NDUFAF6: variants seen among roughly 807,000 people sequenced by gnomAD.
NDUFAF6 encodes NADH dehydrogenase (ubiquinone) complex I, assembly factor 6.
A neutral mutation model predicts 40.8 loss-of-function variants in NDUFAF6; 45 were observed. The observed-to-expected ratio is 1.10, with a 90% CI of 0.87 to 1.42. NDUFAF6 has a LOEUF of 1.42. NDUFAF6 is among the 40% of genes most tolerant of loss of function. NDUFAF6 has a pLI of 0.00. For synonymous variants in NDUFAF6, 185 were observed against 155.9 expected (o/e 1.19, Z -1.39); for missense variants, 435 against 418.5 (o/e 1.04, Z -0.34).
intron 1 of NDUFAF6, among the ~76,000 whole-genome samples, chr8:94,940,627 T>C (rs922287351): frequency 3.9e-5 from 6 of 152,192 alleles, no homozygotes; most frequent in African/African-American, 1.4e-4. Flanking sequence ...CTGTGAGAGT[T>C]GCAAAACTAA....
intron 2 of NDUFAF6, among the ~76,000 whole-genome samples, chr8:95,003,293 C>G (rs1240902343): frequency 6.6e-6 from 1 of 152,214 alleles, no homozygotes; most frequent in Non-Finnish European, 1.5e-5. Context: ...GACAAAGGCT[C>G]TAATAGAGAT....
intron 1 of NDUFAF6, among the ~76,000 whole-genome samples, chr8:94,897,416 T>A (rs1419457612): frequency 6.6e-6 from 1 of 152,220 alleles, no homozygotes; most frequent in Admixed American, 6.5e-5. Context: ...CAAGTGGGTC[T>A]GTTAAAAAAA....
At chr8:95,063,796 G>A (rs1832629968) in intron 9 of NDUFAF6, among the ~76,000 whole-genome samples, 1 of 151,830 alleles carries the variant, frequency 6.6e-6, no homozygotes, top group African/African-American at 2.4e-5. Context: ...TCTCTTTTAT[G>A]GGTGTCACAA....
chr8:95,017,219 G>C (rs1372516134), intron 2 of NDUFAF6, among the ~76,000 whole-genome samples: 1 of 151,606 alleles, frequency 6.6e-6, no homozygotes, highest in Non-Finnish European at 1.5e-5. Flanking sequence ...GGGACTACAG[G>C]CATGAGCCAC....
chr8:95,046,286 C>G (rs1310814156), intron 5 of NDUFAF6, among the ~76,000 whole-genome samples: 1 of 152,168 alleles, frequency 6.6e-6, no homozygotes, highest in Admixed American at 6.5e-5. Flanking sequence ...ACCTCGTGAT[C>G]TGCCCGCCTC....
rs570365969 is a variant in NDUFAF6 at position 95,109,042 on chromosome 8, A to G, written n.344+6031A>G. ...TCTTTTCATTTTTCTCAATATGTGA[A>G]AAATTTTGTGATGTTTGGGTGGAGT... is the stretch of plus-strand genomic sequence containing the variant. On this transcript the variant is annotated intron_variant and non_coding_transcript_variant, in intron 4 of 5. Coordinates refer to the NDUFAF6 transcript ENST00000523184. Among the ~76,000 whole-genome samples the G allele has an allele frequency of 4.6e-5, 7 of 152,316 alleles. No homozygotes were observed. In the East Asian group the frequency reaches 1.3e-3, roughly 29 times the overall value.
chr8:94,925,041 C>T (rs59980877), intron 1 of NDUFAF6, among the ~76,000 whole-genome samples: 1 of 152,238 alleles, frequency 6.6e-6, no homozygotes, highest in Non-Finnish European at 1.5e-5. Context: ...TCATGCCCAG[C>T]CCAAAGTGGG....
At chr8:95,000,512 A>T (rs938242810) in intron 2 of NDUFAF6, among the ~76,000 whole-genome samples, 5 of 152,160 alleles carry the variant, frequency 3.3e-5, no homozygotes, top group Non-Finnish European at 5.9e-5. Context: ...TTAAAAATGC[A>T]TATTCTAATC....
At chr8:95,015,827 A>G (rs1478902815) in intron 2 of NDUFAF6, among the ~76,000 whole-genome samples, 2 of 152,068 alleles carry the variant, frequency 1.3e-5, no homozygotes, top group African/African-American at 4.8e-5. Flanking sequence ...GAGCTGATTT[A>G]GACTGGGACC....
intron 1 of NDUFAF6, chr8:94,939,773 C>A: frequency 6.5e-7 from 1 of 1,533,294 alleles, no homozygotes; most frequent in Admixed American, 1.9e-5. Context: ...AGTTTTGCAT[C>A]TTCTAATAAC....
upstream of NDUFAF6, chr8:95,024,867 G>A (rs1421646177): frequency 2.8e-6 from 2 of 725,772 alleles, no homozygotes; most frequent in African/African-American, 3.7e-5. Context: ...GAGGACCACA[G>A]CGACACCTGG....
chr8:94,952,426 C>T, intron 2 of NDUFAF6, among the ~76,000 whole-genome samples: 1 of 152,334 alleles, frequency 6.6e-6, no homozygotes, highest in South Asian at 2.1e-4. Context: ...TTCTATCTAC[C>T]CATCAACAGT....
At chr8:94,973,585 T>A (rs1304914601) in intron 1 of NDUFAF6, among the ~76,000 whole-genome samples, 1 of 151,798 alleles carries the variant, frequency 6.6e-6, no homozygotes, top group African/African-American at 2.4e-5. Context: ...GCGGGCACCT[T>A]TAGTCCCAGC....
chr8:95,083,665 G>A (rs376212597), intron 2 of NDUFAF6, among the ~76,000 whole-genome samples: 29 of 152,242 alleles, frequency 1.9e-4, no homozygotes, highest in African/African-American at 6.7e-4. Context: ...CAGTAAATAT[G>A]TACTTCTTTA....
intron 1 of NDUFAF6, among the ~76,000 whole-genome samples, chr8:94,899,263 AT>A (rs1387156236): frequency 6.6e-6 from 1 of 152,222 alleles, no homozygotes; most frequent in African/African-American, 2.4e-5. Context: ...AAACAAATAC[AT>A]TTTACTGTAA....
At chr8:95,000,428 G>A (rs942618662) in intron 2 of NDUFAF6, among the ~76,000 whole-genome samples, 3 of 152,002 alleles carry the variant, frequency 2.0e-5, no homozygotes, top group East Asian at 3.9e-4. Flanking sequence ...CTAGAGATAC[G>A]GTGGGAAGGA....
downstream of NDUFAF6, among the ~76,000 whole-genome samples, chr8:95,063,287 G>A (rs1832615708): frequency 6.6e-6 from 1 of 152,186 alleles, no homozygotes; most frequent in African/African-American, 2.4e-5. Context: ...ATAACTCTGT[G>A]GGTTGACATT....
At chr8:95,103,281 A>G (rs955871782) in exon 3 of NDUFAF6, 4 of 152,082 alleles carry the variant, frequency 2.6e-5, no homozygotes, top group African/African-American at 9.7e-5. Flanking sequence ...GAAGAGGGAG[A>G]AATGGCTGAT....
intron 8 of NDUFAF6, among the ~76,000 whole-genome samples, chr8:95,057,494 A>T (rs1400632018): frequency 6.6e-6 from 1 of 152,178 alleles, no homozygotes; most frequent in African/African-American, 2.4e-5. Context: ...GCCTGTTTGC[A>T]TTCCACCAAA....
Sources: gnomAD v4.1 joint callset for allele counts (sites outside exome capture counted in the v4.1 genomes callset) on GRCh38, gnomAD v4.1.1 for gene constraint, MANE v1.5 for transcripts, NCBI Gene and HGNC (gene_info 2026-07-23, HGNC 2026-07-21) for gene names.